The following CHRNA7 variants were observed in gnomAD, a reference collection of about 807,000 sequenced individuals.
The protein encoded by CHRNA7 is cholinergic receptor nicotinic alpha 7 subunit, also known as neuronal acetylcholine receptor subunit alpha-7.
Under a neutral mutation model 48.0 loss-of-function variants are expected in CHRNA7, and 17 were observed. The ratio of observed to expected loss-of-function variants is 0.35; its 90% CI spans 0.24 to 0.53. CHRNA7 has a LOEUF of 0.53. Among genes scored for constraint, CHRNA7 ranks in the 20% least tolerant of loss-of-function variants. The probability of loss-of-function intolerance (pLI) is 0.92; values close to 1 mark genes in which losing one functional copy is unlikely to be tolerated. For synonymous variants in CHRNA7, 75 were observed against 242.3 expected, an observed-to-expected ratio of 0.31 and a Z score of 6.41; for missense variants, 155 against 577.7, an observed-to-expected ratio of 0.27 and a Z score of 7.50.
At chr15:32,105,440 G>T (rs2050649655) in intron 3 of CHRNA7, among the ~76,000 whole-genome samples, 1 of 151,192 alleles carries the variant, frequency 6.6e-6, no homozygotes, top group Non-Finnish European at 1.5e-5. Flanking sequence ...AAAAGAGGCG[G>T]AGGAGAAGGA....
intron 4 of CHRNA7, among the ~76,000 whole-genome samples, chr15:32,153,102 C>G (rs1014238526): frequency 6.6e-6 from 1 of 152,126 alleles, no homozygotes; most frequent in Non-Finnish European, 1.5e-5. Flanking sequence ...CAGCTCCCTC[C>G]TGCACCTGCA....
intron 4 of CHRNA7, among the ~76,000 whole-genome samples, chr15:32,122,252 G>A (rs2050984338): frequency 6.6e-6 from 1 of 152,108 alleles, no homozygotes; most frequent in African/African-American, 2.4e-5. Flanking sequence ...CAGAACCTTG[G>A]AACTCAGGCT....
At position 32,170,506 on chromosome 15, in the gene CHRNA7, TATC is replaced by T. The variant is rs1469439179; in HGVS notation, c.*2051_*2053del. The stretch of plus-strand genomic sequence containing the variant: ...TATATAAAAGGAATGCTTCATTTCT[TATC>T]ATTATCCCAAAATTGATCCCTCCCA... On this transcript the variant is annotated 3_prime_UTR_variant, in exon 10 of 10. Coordinates refer to ENST00000306901, the MANE Select transcript of CHRNA7 (RefSeq NM_000746.6). 6.6e-6 allele frequency: 1 copy of T among 151,550 alleles called. No individual in the cohort carries two copies. The highest frequency in any genetic ancestry group is 1.5e-5 in the Non-Finnish European group (1 of 67,978). 9.4% of individuals were successfully genotyped at this position (151,550 alleles called of 1,614,324 possible).
intron 4 of CHRNA7, among the ~76,000 whole-genome samples, chr15:32,142,554 T>G (rs1273418353): frequency 1.3e-5 from 2 of 152,120 alleles, no homozygotes; most frequent in Non-Finnish European, 2.9e-5. Flanking sequence ...GTCCTGGACT[T>G]TTTTGGGTTG....
rs2050265501 is a variant in CHRNA7, at chr15:32,084,588, A to AT, written c.196-16710dup. ...CAATGTTCCTTCCTCTCCATCAGAT[A>AT]TTTTTAATAAATGTGCAAGTCTTTA... is the stretch of plus-strand genomic sequence containing the variant. On this transcript the variant is annotated intron_variant, in intron 2 of 9. Coordinates refer to ENST00000306901, the MANE Select transcript of CHRNA7 (RefSeq NM_000746.6). 2.6e-5 allele frequency among the ~76,000 whole-genome samples: 4 copies of AT among 152,226 alleles called. No individual in the cohort carries two copies. In the South Asian group the frequency reaches 8.3e-4, roughly 31 times the overall value.
chr15:32,039,724 G>C (rs2049413604), intron 2 of CHRNA7, among the ~76,000 whole-genome samples: 1 of 104,410 alleles, frequency 9.6e-6, no homozygotes, highest in Non-Finnish European at 2.6e-5. Context: ...GTATTCTGCT[G>C]TTGTTGGATA....
At chr15:32,101,987 A>G (rs2050580744) in intron 3 of CHRNA7, 3 of 152,362 alleles carry the variant, frequency 2.0e-5, no homozygotes, top group South Asian at 4.1e-4. Context: ...TTCAAACACC[A>G]TATGAACAAG....
chr15:32,067,150 A>G (rs1338211953), intron 2 of CHRNA7, among the ~76,000 whole-genome samples: 1 of 152,218 alleles, frequency 6.6e-6, no homozygotes, highest in Non-Finnish European at 1.5e-5. Flanking sequence ...AAATTGGGTG[A>G]AAAACATTGA....
At chr15:32,138,379 T>C (rs1185989197) in intron 4 of CHRNA7, among the ~76,000 whole-genome samples, 1 of 152,190 alleles carries the variant, frequency 6.6e-6, no homozygotes, top group African/African-American at 2.4e-5. Flanking sequence ...AGACTTTGTT[T>C]TTTAAAGCAG....
chr15:32,058,799 CTT>C (rs2049828999), intron 2 of CHRNA7, among the ~76,000 whole-genome samples: 1 of 152,058 alleles, frequency 6.6e-6, no homozygotes, highest in Non-Finnish European at 1.5e-5. Context: ...GGTTGTGTGA[CTT>C]TGGATGCATA....
chr15:32,034,263 T>C (rs1432499769), intron 2 of CHRNA7, among the ~76,000 whole-genome samples: 6 of 152,140 alleles, frequency 3.9e-5, no homozygotes, highest in Non-Finnish European at 8.8e-5. Context: ...GAAAGTGCAG[T>C]GGAGGACAGC....
rs1331482523 is a variant in CHRNA7, at chr15:32,149,409, G to A, written c.351-4498G>A. 1.3e-5 allele frequency among the ~76,000 whole-genome samples: 2 copies of A among 152,158 alleles called. No individual in the cohort carries two copies. The highest frequency in any genetic ancestry group is 1.5e-5 in the Non-Finnish European group (1 of 68,032). On this transcript the variant is annotated intron_variant, in intron 4 of 9. Transcript: ENST00000306901. The surrounding 1 kb of genome is among the most constrained non-coding windows in gnomAD (Gnocchi z 4.6). ...TGCTGTGGCCACTGAGGTCCTCATA[G>A]GGGTTCTGGCCACTCACATTTCCGA...
chr15:32,138,798 G>A (rs959763656), intron 4 of CHRNA7, among the ~76,000 whole-genome samples: 1 of 146,318 alleles, frequency 6.8e-6, no homozygotes, highest in Non-Finnish European at 1.5e-5. Flanking sequence ...CTGTCGCCCA[G>A]GCTGGAGTGC....
At chr15:32,046,165 G>C (rs1595380504) in intron 2 of CHRNA7, among the ~76,000 whole-genome samples, 2 of 151,876 alleles carry the variant, frequency 1.3e-5, no homozygotes, top group African/African-American at 2.4e-5. Context: ...ATGATTTATA[G>C]TCCTTTGGGT....
At chr15:32,068,436 G>C (rs2050000738) in intron 2 of CHRNA7, among the ~76,000 whole-genome samples, 1 of 152,146 alleles carries the variant, frequency 6.6e-6, no homozygotes, top group African/African-American at 2.4e-5. Context: ...GTATATGCAA[G>C]AGACACATTT....
intron 2 of CHRNA7, among the ~76,000 whole-genome samples, chr15:32,087,057 G>A (rs981712043): frequency 6.6e-6 from 1 of 152,170 alleles, no homozygotes; most frequent in Admixed American, 6.5e-5. Flanking sequence ...AAATTAGGGA[G>A]TGGAAAGTAG....
At position 32,143,112 on chromosome 15, in the gene CHRNA7, C is replaced by T. The variant is rs145179333; in HGVS notation, c.351-10795C>T. On this transcript the variant is annotated intron_variant, in intron 4 of 9. Coordinates refer to ENST00000306901, the MANE Select transcript of CHRNA7 (RefSeq NM_000746.6). ...TGAATGTGTCCCAGAGATTCTGGTA[C>T]GTTGTGTGTCTTTGTTCTCATTGGT... is the stretch of plus-strand genomic sequence containing the variant. Among the ~76,000 whole-genome samples, 714 of 152,120 alleles carry T rather than the reference C, an allele frequency of 4.7e-3. 5 individuals carry two copies. Among genetic ancestry groups the T allele is most frequent in the African/African-American group, 0.016 (667 of 41,518 alleles).
chr15:32,122,702 C>G (rs2050993144), intron 4 of CHRNA7, among the ~76,000 whole-genome samples: 1 of 151,850 alleles, frequency 6.6e-6, no homozygotes, highest in Admixed American at 6.6e-5. Flanking sequence ...ATTCTAACAG[C>G]ACTTATTGAG....
intron 4 of CHRNA7, among the ~76,000 whole-genome samples, chr15:32,133,984 G>A (rs1220866789): frequency 6.6e-6 from 1 of 152,188 alleles, no homozygotes; most frequent in Non-Finnish European, 1.5e-5. Context: ...TTTGAGACAT[G>A]GGTTTTCTGC....
Sources: allele counts gnomAD v4.1 joint callset (sites outside exome capture counted in the v4.1 genomes callset), GRCh38; gene constraint gnomAD v4.1.1; non-coding constraint Gnocchi (gnomAD v3.1); transcripts MANE v1.5; gene names NCBI Gene and HGNC (gene_info 2026-07-23, HGNC 2026-07-21).